SPOCK3: variants seen among roughly 807,000 people sequenced by gnomAD.
The protein encoded by SPOCK3 is testican-3.
SPOCK3 carries 30 observed loss-of-function variants against 56.6 expected under a neutral mutation model. The ratio of observed to expected loss-of-function variants is 0.53; its 90% CI spans 0.40 to 0.72. SPOCK3 has a LOEUF of 0.72. SPOCK3 is among the 30% of genes least tolerant of loss of function. SPOCK3 has a pLI of 0.00. For synonymous variants in SPOCK3, 196 were observed against 183.3 expected (o/e 1.07, Z -0.56); for missense variants, 527 against 530.0 (o/e 0.99, Z 0.06).
At chr4:167,217,707 A>G (rs1375109671) in intron 2 of SPOCK3, among the ~76,000 whole-genome samples, 1 of 152,120 alleles carries the variant, frequency 6.6e-6, no homozygotes, top group Non-Finnish European at 1.5e-5. Context: ...TTTGATTATT[A>G]GGTGAGTTAG....
chr4:166,740,086 C>T (rs2060357369), intron 9 of SPOCK3, among the ~76,000 whole-genome samples: 1 of 152,018 alleles, frequency 6.6e-6, no homozygotes, highest in Admixed American at 6.6e-5. Flanking sequence ...TACTTTATGC[C>T]AGTAAAGTTG....
intron 8 of SPOCK3, among the ~76,000 whole-genome samples, chr4:166,743,128 A>G (rs1180591871): frequency 3.3e-5 from 5 of 152,074 alleles, no homozygotes; most frequent in Admixed American, 2.6e-4. Flanking sequence ...TGTAATATAT[A>G]CAGTCTTATC....
At chr4:166,847,647 T>TTTTATATATATATATATATA (rs369353581) in intron 6 of SPOCK3, among the ~76,000 whole-genome samples, 6 of 55,404 alleles carry the variant, frequency 1.1e-4, no homozygotes, top group African/African-American at 2.0e-4. Flanking sequence ...AAATCCTAGT[T>TTTTATATATATATATATATA]TATATATATA....
chr4:166,930,531 CTT>C (rs1273339388), intron 4 of SPOCK3, among the ~76,000 whole-genome samples: 1 of 151,938 alleles, frequency 6.6e-6, no homozygotes, highest in African/African-American at 2.4e-5. Context: ...ATGGACAACT[CTT>C]TAATAATTCT....
intron 6 of SPOCK3, among the ~76,000 whole-genome samples, chr4:166,848,683 C>T (rs1012823462): frequency 6.6e-6 from 1 of 152,118 alleles, no homozygotes; most frequent in Non-Finnish European, 1.5e-5. Flanking sequence ...CTCTTTGGTT[C>T]AGAGCTTAAA....
At chr4:167,059,475 T>C (rs1256647711) in intron 3 of SPOCK3, among the ~76,000 whole-genome samples, 2 of 151,586 alleles carry the variant, frequency 1.3e-5, no homozygotes, top group Admixed American at 1.3e-4. Context: ...CCAGTTAGAA[T>C]GGCAATCATT....
intron 6 of SPOCK3, among the ~76,000 whole-genome samples, chr4:166,865,825 G>T (rs1234653152): frequency 6.6e-6 from 1 of 152,112 alleles, no homozygotes; most frequent in Non-Finnish European, 1.5e-5. Flanking sequence ...TGGATAGGAA[G>T]AATCAATATC....
At chr4:166,792,144 G>A in intron 7 of SPOCK3, 26 bp downstream of exon 7, 2 of 1,613,142 alleles carry the variant, frequency 1.2e-6, no homozygotes, top group Non-Finnish European at 1.7e-6. Flanking sequence ...AGATACAGTA[G>A]CAATGATCAA....
chr4:167,191,672 GT>G lies in SPOCK3; in HGVS notation c.189+42312del, dbSNP rs199805527. Among the ~76,000 whole-genome samples the G allele has an allele frequency of 2.7e-4, 39 of 143,232 alleles. 3 individuals carry two copies. In the South Asian group the frequency reaches 3.7e-3, roughly 13 times the overall value. 94.0% of individuals were successfully genotyped at this position (143,232 alleles called of 152,430 possible). A position where few individuals can be genotyped will look rare whatever the true frequency, so the allele number is the denominator to read the frequency against. On this transcript the variant is annotated intron_variant, in intron 2 of 10. Transcript: ENST00000357545. Reference sequence around the variant, plus strand: ...CTGAATTCATGTCTTAGTTCTGACAGTTTTTTTTTGTGAAGTCTTTATAAGT... The same window carrying G: ...CTGAATTCATGTCTTAGTTCTGACAGTTTTTTTTGTGAAGTCTTTATAAGT...
intron 7 of SPOCK3, among the ~76,000 whole-genome samples, chr4:166,784,138 A>G (rs552206532): frequency 3.3e-5 from 5 of 152,156 alleles, no homozygotes; most frequent in Non-Finnish European, 5.9e-5. Flanking sequence ...GAAATGTTAA[A>G]AAATAGCCAA....
At chr4:167,147,336 G>A (rs980863299) in intron 2 of SPOCK3, among the ~76,000 whole-genome samples, 2 of 152,072 alleles carry the variant, frequency 1.3e-5, no homozygotes, top group Non-Finnish European at 2.9e-5. Context: ...ACCAAAAAAA[G>A]TCCAGGACCA....
At chr4:167,064,251 T>G (rs1755887651) in intron 2 of SPOCK3, among the ~76,000 whole-genome samples, 1 of 151,740 alleles carries the variant, frequency 6.6e-6, no homozygotes, top group East Asian at 1.9e-4. Flanking sequence ...ATCACTGTAG[T>G]TGATATATTT....
chr4:167,229,371 G>C (rs1168730277), intron 2 of SPOCK3, among the ~76,000 whole-genome samples: 2 of 152,044 alleles, frequency 1.3e-5, no homozygotes, highest in Non-Finnish European at 2.9e-5. Flanking sequence ...AGTACTGAGA[G>C]AGCATTCCTT....
chr4:166,765,662 C>T (rs543285243), intron 7 of SPOCK3, among the ~76,000 whole-genome samples: 103 of 152,292 alleles, frequency 6.8e-4, no homozygotes, highest in African/African-American at 2.3e-3. Context: ...ATTGTTTTGG[C>T]AATGTGGGCT....
At chr4:166,868,476 A>G (rs986250683) in intron 6 of SPOCK3, among the ~76,000 whole-genome samples, 14 of 151,980 alleles carry the variant, frequency 9.2e-5, no homozygotes, top group African/African-American at 2.7e-4. Context: ...TAAAAAATTA[A>G]ATCTTACAAT....
intron 4 of SPOCK3, among the ~76,000 whole-genome samples, chr4:166,978,878 A>T (rs1174029991): frequency 6.6e-6 from 1 of 152,212 alleles, no homozygotes; most frequent in Admixed American, 6.5e-5. Flanking sequence ...AATGTTCAGA[A>T]GACATCAAAA....
At chr4:166,805,309 G>A (rs1054633359) in intron 6 of SPOCK3, among the ~76,000 whole-genome samples, 5 of 151,956 alleles carry the variant, frequency 3.3e-5, no homozygotes, top group African/African-American at 1.2e-4. Context: ...TTCTTCTTTT[G>A]TAGGTCTGGC....
At chr4:166,818,386 A>G (rs1171243357) in intron 6 of SPOCK3, among the ~76,000 whole-genome samples, 9 of 152,052 alleles carry the variant, frequency 5.9e-5, no homozygotes, top group Non-Finnish European at 2.9e-5. Context: ...CTTGTTTAGT[A>G]TAATACACCA....
chr4:166,816,994 T>G (rs1042233686), intron 6 of SPOCK3, among the ~76,000 whole-genome samples: 7 of 152,030 alleles, frequency 4.6e-5, no homozygotes, highest in Middle Eastern at 3.2e-3. Flanking sequence ...TCTGAATGCT[T>G]ACCCTACTTA....
Sources: allele counts gnomAD v4.1 joint callset (sites outside exome capture counted in the v4.1 genomes callset), GRCh38; gene constraint gnomAD v4.1.1; transcripts MANE v1.5; gene names NCBI Gene and HGNC (gene_info 2026-07-23, HGNC 2026-07-21).